Variants in RAD51B observed in about 807,000 individuals in gnomAD.
RAD51B encodes the protein DNA repair protein RAD51 homolog 2.
RAD51B carries 38 observed loss-of-function variants against 42.2 expected under a neutral mutation model. The ratio of observed to expected loss-of-function variants is 0.90; its 90% confidence interval spans 0.70 to 1.18. The LOEUF (loss-of-function observed/expected upper bound fraction) is 1.18, where lower values mean the gene tolerates loss of function less well. Ranked by LOEUF, RAD51B falls within the 50% of genes most tolerant of loss-of-function variation. RAD51B has a pLI of 0.00. For synonymous variants in RAD51B, 154 were observed against 145.2 expected (o/e 1.06, Z -0.43); for missense variants, 373 against 400.7 (o/e 0.93, Z 0.59).
downstream of RAD51B, among the ~76,000 whole-genome samples, chr14:68,600,048 C>G (rs1463679128): frequency 6.6e-6 from 1 of 152,216 alleles, no homozygotes. Context: ...TTGTGGTCAT[C>G]TATACCCTGT....
At chr14:68,459,403 A>T (rs2085786013) in intron 9 of RAD51B, among the ~76,000 whole-genome samples, 1 of 152,220 alleles carries the variant, frequency 6.6e-6, no homozygotes, top group Non-Finnish European at 1.5e-5. Context: ...TCTGTCGCAG[A>T]CACTTGGCAT....
At chr14:68,146,477 A>G (rs1284645373) in intron 7 of RAD51B, among the ~76,000 whole-genome samples, 1 of 151,420 alleles carries the variant, frequency 6.6e-6, no homozygotes, top group Non-Finnish European at 1.5e-5. Flanking sequence ...GCAGGAGGTG[A>G]CTCAGGGGAA....
intron 7 of RAD51B, among the ~76,000 whole-genome samples, chr14:68,279,872 C>T (rs189609051): frequency 5.2e-4 from 79 of 152,276 alleles, no homozygotes; most frequent in Middle Eastern, 6.8e-3. Context: ...GCTCTCTGTG[C>T]GTTGAAATGA....
rs561889288 is a variant in RAD51B at position 68,171,969 on chromosome 14, A to G, written c.757-119915A>G. On this transcript the variant is annotated intron_variant, in intron 7 of 10. Transcript: ENST00000471583. ...TGATCCACCCACCTCAGCCTCCCAAAGTGCTGGGATTACAGGTGTGAGCCA... is the reference window on the plus strand; with the variant it reads ...TGATCCACCCACCTCAGCCTCCCAAGGTGCTGGGATTACAGGTGTGAGCCA... Among the ~76,000 whole-genome samples the G allele has an allele frequency of 2.0e-5, 3 of 152,200 alleles. No homozygotes were observed. In the East Asian group the frequency reaches 5.8e-4, roughly 29 times the overall value.
chr14:68,180,035 C>T (rs1419472172), intron 7 of RAD51B, among the ~76,000 whole-genome samples: 1 of 152,098 alleles, frequency 6.6e-6, no homozygotes, highest in Non-Finnish European at 1.5e-5. Flanking sequence ...TTATTCCCCC[C>T]TTGCATTCTG....
intron 9 of RAD51B, among the ~76,000 whole-genome samples, chr14:68,414,860 A>C (rs1428744789): frequency 1.8e-3 from 51 of 28,018 alleles, no homozygotes; most frequent in African/African-American, 0.012. Context: ...CATCTCTACT[A>C]AAAAAAAAAA....
intron 7 of RAD51B, among the ~76,000 whole-genome samples, chr14:67,978,186 A>G (rs1450008963): frequency 6.6e-6 from 1 of 152,170 alleles, no homozygotes; most frequent in Non-Finnish European, 1.5e-5. Flanking sequence ...TGGTGTTTAT[A>G]TAAAAAAGAT....
intron 7 of RAD51B, among the ~76,000 whole-genome samples, chr14:68,253,736 G>A (rs1325677834): frequency 6.6e-6 from 1 of 152,176 alleles, no homozygotes; most frequent in Non-Finnish European, 1.5e-5. Flanking sequence ...CCCCTGTGGG[G>A]TAGGTAATGT....
chr14:68,585,686 G>C (rs2253317), intron 10 of RAD51B, among the ~76,000 whole-genome samples: 76,494 of 151,504 alleles, frequency 0.5, 20,252 homozygotes, highest in African/African-American at 0.66. Context: ...TCCCCACCCC[G>C]ACCCCGGGTG....
intron 10 of RAD51B, among the ~76,000 whole-genome samples, chr14:68,483,664 C>T (rs533529049): frequency 6.6e-6 from 1 of 152,322 alleles, no homozygotes; most frequent in South Asian, 2.1e-4. Context: ...AGCCCTGTGA[C>T]TTTTCCAGAA....
intron 7 of RAD51B, among the ~76,000 whole-genome samples, chr14:68,212,352 G>T (rs981708788): frequency 6.6e-6 from 1 of 152,192 alleles, no homozygotes; most frequent in African/African-American, 2.4e-5. Flanking sequence ...ACCTCAGAGG[G>T]CTGTTTTGAG....
downstream of RAD51B, among the ~76,000 whole-genome samples, chr14:68,479,286 G>A (rs1448381937): frequency 3.9e-5 from 6 of 152,138 alleles, no homozygotes; most frequent in Non-Finnish European, 1.5e-5. Flanking sequence ...GACATCAAGG[G>A]ACTATTTGAG....
At position 68,477,854 on chromosome 14, in the gene RAD51B, A is replaced by G; in HGVS notation, c.*190A>G. On this transcript the variant is annotated 3_prime_UTR_variant, in exon 11 of 11. Transcript: ENST00000471583. The stretch of plus-strand genomic sequence containing the variant: ...TTCAGACCTAGCAGGGAAGGTGAAG[A>G]TGAAGAAGCCTTTGTTCAGGTCTCT... 1 of 1,430,052 alleles carries G rather than the reference A, an allele frequency of 7.0e-7. No homozygotes were observed. Among genetic ancestry groups the G allele is most frequent in the Middle Eastern group, 1.8e-4 (1 of 5,448 alleles). 88.6% of individuals were successfully genotyped at this position (1,430,052 alleles called of 1,614,324 possible). A position where few individuals can be genotyped will look rare whatever the true frequency, so the allele number is the denominator to read the frequency against.
chr14:68,095,271 T>C (rs2077172300), intron 7 of RAD51B, among the ~76,000 whole-genome samples: 1 of 152,082 alleles, frequency 6.6e-6, no homozygotes, highest in Non-Finnish European at 1.5e-5. Flanking sequence ...GAACACTGAC[T>C]AATTACCTGC....
chr14:68,478,795 G>A (rs1291278669), downstream of RAD51B, among the ~76,000 whole-genome samples: 1 of 152,188 alleles, frequency 6.6e-6, no homozygotes, highest in African/African-American at 2.4e-5. Context: ...CACCAAGTAG[G>A]TGCAGATTGA....
chr14:68,134,109 C>A (rs1356966534), intron 7 of RAD51B, among the ~76,000 whole-genome samples: 1 of 152,186 alleles, frequency 6.6e-6, no homozygotes, highest in Non-Finnish European at 1.5e-5. Context: ...GCCACACCCA[C>A]CCCATCTCAT....
chr14:68,149,172 A>G (rs1317268946), intron 7 of RAD51B, among the ~76,000 whole-genome samples: 2 of 152,202 alleles, frequency 1.3e-5, no homozygotes, highest in Non-Finnish European at 2.9e-5. Context: ...CATTATCTTA[A>G]CAGTGTCTTT....
At chr14:68,221,620 G>A (rs1359598512) in intron 7 of RAD51B, among the ~76,000 whole-genome samples, 2 of 152,184 alleles carry the variant, frequency 1.3e-5, no homozygotes, top group African/African-American at 2.4e-5. Flanking sequence ...CTAGACACTG[G>A]CTTAGGCAAA....
At chr14:68,412,390 C>A (rs1222275931) in intron 9 of RAD51B, among the ~76,000 whole-genome samples, 1 of 152,140 alleles carries the variant, frequency 6.6e-6, no homozygotes, top group African/African-American at 2.4e-5. Context: ...AAATATATAT[C>A]AAATCCAGGC....
Sources: gnomAD v4.1 joint callset for allele counts (sites outside exome capture counted in the v4.1 genomes callset) on GRCh38, gnomAD v4.1.1 for gene constraint, MANE v1.5 for transcripts, NCBI Gene and HGNC (gene_info 2026-07-23, HGNC 2026-07-21) for gene names.